Variants in CNTNAP2 observed in about 807,000 individuals in gnomAD.
CNTNAP2 encodes contactin-associated protein-like 2.
Under a neutral mutation model 155.2 loss-of-function variants are expected in CNTNAP2, and 98 were observed. That is an observed-to-expected ratio of 0.63 (90% CI 0.54 to 0.75). CNTNAP2 has a LOEUF of 0.75. Ranked by LOEUF, CNTNAP2 falls within the 30% of genes least tolerant of loss-of-function variation. CNTNAP2 has a pLI of 0.00. For synonymous variants in CNTNAP2, 651 were observed against 631.2 expected (o/e 1.03, Z -0.47); for missense variants, 1,727 against 1,688.1 (o/e 1.02, Z -0.40).
chr7:147,873,229 GGGAGTGTATACTAGTATGCCTTT>G (rs1408631303), intron 13 of CNTNAP2, among the ~76,000 whole-genome samples: 3 of 152,128 alleles, frequency 2.0e-5, no homozygotes, highest in African/African-American at 7.2e-5. Flanking sequence ...TAAAAAGATA[GGGAGTGTATACTAGTATGCCTTT>G]GGACTTAGCT....
At chr7:146,737,807 A>T (rs1801646366) in intron 1 of CNTNAP2, among the ~76,000 whole-genome samples, 1 of 151,990 alleles carries the variant, frequency 6.6e-6, no homozygotes, top group South Asian at 2.1e-4. Context: ...TGTTACTGCA[A>T]ATGATAACAC....
At chr7:148,150,504 C>T (rs1018986620) in intron 17 of CNTNAP2, among the ~76,000 whole-genome samples, 1 of 151,872 alleles carries the variant, frequency 6.6e-6, no homozygotes, top group South Asian at 2.1e-4. Context: ...GCCGAGATCG[C>T]GCCACTGTAC....
intron 15 of CNTNAP2, among the ~76,000 whole-genome samples, chr7:148,060,440 A>C (rs1335950320): frequency 1.3e-5 from 2 of 152,184 alleles, no homozygotes; most frequent in African/African-American, 4.8e-5. Flanking sequence ...TGCAATTCTA[A>C]ATTAGCTCTC....
At position 146,927,180 on chromosome 7, in the gene CNTNAP2, T is replaced by A. The variant is rs113600968; in HGVS notation, c.402+87276T>A. On this transcript the variant is annotated intron_variant, in intron 3 of 23. Transcript: ENST00000361727. ...CTGGGAAGGGCAAAGAGTTCTCCTG[T>A]AAGACTTAGATGTGTATTTTAAGTT... Among the ~76,000 whole-genome samples, 760 of 152,302 alleles carry A rather than the reference T, an allele frequency of 5.0e-3. 9 individuals carry two copies. The highest frequency in any genetic ancestry group is 0.017 in the African/African-American group (693 of 41,584).
intron 3 of CNTNAP2, among the ~76,000 whole-genome samples, chr7:147,023,812 A>C (rs1798855600): frequency 6.6e-6 from 1 of 152,216 alleles, no homozygotes; most frequent in South Asian, 2.1e-4. Flanking sequence ...CTCATGTGCC[A>C]AACTTATTTG....
At chr7:146,546,629 G>C (rs1798033381) in intron 1 of CNTNAP2, among the ~76,000 whole-genome samples, 1 of 151,828 alleles carries the variant, frequency 6.6e-6, no homozygotes, top group African/African-American at 2.4e-5. Flanking sequence ...ACTGCTGTAA[G>C]GGCACACCCA....
intron 9 of CNTNAP2, among the ~76,000 whole-genome samples, chr7:147,394,348 G>A (rs1386194820): frequency 1.3e-5 from 2 of 151,872 alleles, no homozygotes; most frequent in Non-Finnish European, 2.9e-5. Flanking sequence ...AACAACATGA[G>A]AACAGACTAA....
At chr7:146,599,068 T>C (rs1554453937) in intron 1 of CNTNAP2, among the ~76,000 whole-genome samples, 1 of 152,050 alleles carries the variant, frequency 6.6e-6, no homozygotes, top group Non-Finnish European at 1.5e-5. Flanking sequence ...CCCTGTCATA[T>C]AAAAAATAAC....
chr7:147,572,561 C>T (rs1584822817), intron 12 of CNTNAP2, among the ~76,000 whole-genome samples: 1 of 143,502 alleles, frequency 7.0e-6, no homozygotes, highest in Non-Finnish European at 1.5e-5. Flanking sequence ...CACTGCCTTT[C>T]TTATGCAATT....
intron 21 of CNTNAP2, among the ~76,000 whole-genome samples, chr7:148,358,961 C>T (rs1172688554): frequency 6.6e-6 from 1 of 152,140 alleles, no homozygotes; most frequent in African/African-American, 2.4e-5. Context: ...TTAGCTCTTC[C>T]GAAATACAGT....
intron 8 of CNTNAP2, among the ~76,000 whole-genome samples, chr7:147,289,390 A>G (rs983467093): frequency 1.3e-5 from 2 of 152,020 alleles, no homozygotes; most frequent in Non-Finnish European, 2.9e-5. Context: ...TATATTCAAC[A>G]GAGAATCAAA....
chr7:147,921,009 C>T (rs917831983), intron 14 of CNTNAP2, among the ~76,000 whole-genome samples: 3 of 151,758 alleles, frequency 2.0e-5, no homozygotes, highest in Non-Finnish European at 4.4e-5. Context: ...TGGGGTTTCA[C>T]CATGTTAGCC....
chr7:147,699,232 TAAA>T (rs202135443), intron 13 of CNTNAP2, among the ~76,000 whole-genome samples: 1 of 125,386 alleles, frequency 8.0e-6, no homozygotes, highest in Non-Finnish European at 1.7e-5. Context: ...AAAATTCTAT[TAAA>T]AAAAAAAAAA....
rs538537819 is a variant in CNTNAP2, at chr7:148,371,499, A to G, written c.3476-12150A>G. Among the ~76,000 whole-genome samples, 91 of 152,296 alleles carry G rather than the reference A, an allele frequency of 6.0e-4. 1 individual carries two copies. Among genetic ancestry groups the G allele is most frequent in the African/African-American group, 2.1e-3 (86 of 41,558 alleles). On this transcript the variant is annotated intron_variant, in intron 21 of 23. Transcript: ENST00000361727. ...CTAAATGCCATATGGCACATTCATCAATGTGCCATTGATGTCTTTATCCAA... is the reference window on the plus strand; with the variant it reads ...CTAAATGCCATATGGCACATTCATCGATGTGCCATTGATGTCTTTATCCAA...
chr7:148,035,592 T>C (rs1303504621), intron 15 of CNTNAP2, among the ~76,000 whole-genome samples: 1 of 152,174 alleles, frequency 6.6e-6, no homozygotes, highest in African/African-American at 2.4e-5. Flanking sequence ...TGTGGGGCCA[T>C]GGTAGCCTCT....
chr7:147,516,464 A>G (rs1799128744), intron 11 of CNTNAP2, among the ~76,000 whole-genome samples: 1 of 152,238 alleles, frequency 6.6e-6, no homozygotes, highest in African/African-American at 2.4e-5. Context: ...GAGAAGCAAA[A>G]CACATTTAAA....
At chr7:148,359,646 A>G (rs1338103987) in intron 21 of CNTNAP2, among the ~76,000 whole-genome samples, 2 of 152,246 alleles carry the variant, frequency 1.3e-5, no homozygotes, top group African/African-American at 4.8e-5. Flanking sequence ...TTCAGAAAAC[A>G]TACTCAGTAG....
intron 8 of CNTNAP2, among the ~76,000 whole-genome samples, chr7:147,226,977 T>C (rs575210232): frequency 7.2e-5 from 11 of 152,138 alleles, no homozygotes; most frequent in Non-Finnish European, 1.3e-4. Context: ...AGACAATTAA[T>C]TGAACCAAAT....
At chr7:146,661,116 C>T (rs538282719) in intron 1 of CNTNAP2, among the ~76,000 whole-genome samples, 12 of 152,272 alleles carry the variant, frequency 7.9e-5, no homozygotes, top group South Asian at 4.1e-4. Context: ...ATTCCACTCA[C>T]GGTTGACAGT....
Sources: gnomAD v4.1 joint callset for allele counts (sites outside exome capture counted in the v4.1 genomes callset) on GRCh38, gnomAD v4.1.1 for gene constraint, MANE v1.5 for transcripts, NCBI Gene and HGNC (gene_info 2026-07-23, HGNC 2026-07-21) for gene names.